The following GRID1 variants were observed in gnomAD, a reference collection of about 807,000 sequenced individuals.
GRID1 encodes glutamate receptor ionotropic, delta-1.
A neutral mutation model predicts 98.0 loss-of-function variants in GRID1; 28 were observed. The observed-to-expected ratio is 0.29, with a 90% CI of 0.21 to 0.39. The LOEUF is 0.39. Among genes scored for constraint, GRID1 ranks in the 10% least tolerant of loss-of-function variants. The pLI, the probability that GRID1 is intolerant of heterozygous loss-of-function variation, is 1.00. For missense variants in GRID1, 1,111 were observed against 1,340.5 expected (o/e 0.83, Z 2.67); for synonymous variants, 553 against 538.5 (o/e 1.03, Z -0.37).
At chr10:85,836,129 A>C (rs1842909727) in intron 8 of GRID1, among the ~76,000 whole-genome samples, 1 of 152,178 alleles carries the variant, frequency 6.6e-6, no homozygotes, top group Admixed American at 6.5e-5. Flanking sequence ...GGAGTAAAAA[A>C]AAGCAAAATA....
chr10:86,101,260 CT>C (rs1844291605), intron 4 of GRID1, among the ~76,000 whole-genome samples: 1 of 152,166 alleles, frequency 6.6e-6, no homozygotes, highest in African/African-American at 2.4e-5. Flanking sequence ...ATTTATCACC[CT>C]AACTAGGACT....
intron 8 of GRID1, among the ~76,000 whole-genome samples, chr10:85,732,717 C>T (rs1238042966): frequency 6.6e-6 from 1 of 152,138 alleles, no homozygotes; most frequent in Non-Finnish European, 1.5e-5. Flanking sequence ...AACAAATAAA[C>T]TCAAATATGA....
rs73338519 is a variant in GRID1 at position 85,854,219 on chromosome 10, C to T, written c.1233+277G>A. Among the ~76,000 whole-genome samples the T allele has an allele frequency of 5.4e-3, 829 of 152,302 alleles. 6 individuals carry two copies. Among genetic ancestry groups the T allele is most frequent in the African/African-American group, 0.019 (782 of 41,566 alleles). On this transcript the variant is annotated intron_variant, in intron 8 of 15. Coordinates refer to ENST00000327946, the MANE Select transcript of GRID1 (RefSeq NM_017551.3). ...ATTGTCCTTTATAGCCTCCATGCAG[C>T]CCCCTGATCCAAGCAGTAGGACCCA...
At chr10:85,772,235 C>T (rs1404734101) in intron 8 of GRID1, among the ~76,000 whole-genome samples, 8 of 152,020 alleles carry the variant, frequency 5.3e-5, no homozygotes, top group African/African-American at 1.7e-4. Context: ...GGGTACATAA[C>T]GAAATGAAGG....
intron 12 of GRID1, among the ~76,000 whole-genome samples, chr10:85,720,183 G>C (rs1000870448): frequency 2.6e-5 from 4 of 152,126 alleles, no homozygotes; most frequent in Non-Finnish European, 5.9e-5. Flanking sequence ...TAGAGTCACT[G>C]ATACTTTGTT....
At chr10:86,140,121 G>A (rs571948477) in intron 3 of GRID1, among the ~76,000 whole-genome samples, 2 of 152,184 alleles carry the variant, frequency 1.3e-5, no homozygotes, top group African/African-American at 4.8e-5. Context: ...GGTGGGTCAC[G>A]TGCAGCCCAG....
At chr10:86,113,669 C>A (rs1844525275) in intron 4 of GRID1, among the ~76,000 whole-genome samples, 2 of 152,194 alleles carry the variant, frequency 1.3e-5, no homozygotes, top group Admixed American at 6.5e-5. Flanking sequence ...CCACACCCTG[C>A]AGAGCTTCAG....
intron 4 of GRID1, among the ~76,000 whole-genome samples, chr10:86,129,822 C>A (rs1156676161): frequency 6.6e-6 from 1 of 152,230 alleles, no homozygotes; most frequent in South Asian, 2.1e-4. Flanking sequence ...CCAGTTCCCC[C>A]CTCAAGAGCA....
At chr10:85,846,555 T>C (rs1378947358) in intron 8 of GRID1, among the ~76,000 whole-genome samples, 1 of 151,904 alleles carries the variant, frequency 6.6e-6, no homozygotes, top group Non-Finnish European at 1.5e-5. Flanking sequence ...AATAAAACAA[T>C]TATTATGCAG....
intron 3 of GRID1, among the ~76,000 whole-genome samples, chr10:86,200,378 C>T (rs1168659635): frequency 6.6e-6 from 1 of 152,186 alleles, no homozygotes; most frequent in Non-Finnish European, 1.5e-5. Context: ...AAAAGACTGG[C>T]CCAAAGGCAT....
chr10:85,865,918 T>TATATATATATATATAC lies in GRID1; in HGVS notation c.951+3091_951+3092insGTATATATATATATAT, dbSNP rs1554836179. On this transcript the variant is annotated intron_variant, in intron 6 of 15. Coordinates refer to ENST00000327946, the MANE Select transcript of GRID1 (RefSeq NM_017551.3). ...AAAGTGTTTTACATATATACATATA[T>TATATATATATATATAC]ATATATATATATATATATATATATA... 3.5e-3 allele frequency among the ~76,000 whole-genome samples: 329 copies of TATATATATATATATAC among 94,526 alleles called. 12 individuals carry two copies. Among genetic ancestry groups the TATATATATATATATAC allele is most frequent in the East Asian group, 0.022 (72 of 3,212 alleles). The allele number at this position is 94,526 out of a possible 152,430, so 62.0% of individuals were successfully genotyped here.
intron 4 of GRID1, among the ~76,000 whole-genome samples, chr10:86,025,289 T>C (rs1344155437): frequency 6.6e-6 from 1 of 152,136 alleles, no homozygotes; most frequent in Non-Finnish European, 1.5e-5. Flanking sequence ...CATGTAAATG[T>C]AGTGGTTATG....
chr10:85,672,802 G>T lies in GRID1; in HGVS notation c.1998-25405C>A, dbSNP rs1390675943. On this transcript the variant is annotated intron_variant, in intron 12 of 15. Transcript: ENST00000327946. The stretch of plus-strand genomic sequence containing the variant: ...GATGAAGACGTACAAGGGGATTAAT[G>T]TTGTCTTCATGCCTGTTATTACAAC... Among the ~76,000 whole-genome samples, 4 of 152,128 alleles carry T rather than the reference G, an allele frequency of 2.6e-5. No individual in the cohort carries two copies. The East Asian group carries it at 7.7e-4, about 29-fold the overall frequency.
intron 3 of GRID1, among the ~76,000 whole-genome samples, chr10:86,165,089 C>T (rs183012684): frequency 7.2e-5 from 11 of 151,994 alleles, no homozygotes; most frequent in South Asian, 4.2e-4. Context: ...CCTGTCAGGA[C>T]GAACAGTCAT....
chr10:85,959,231 T>A (rs1278858980), intron 4 of GRID1, among the ~76,000 whole-genome samples: 1 of 152,220 alleles, frequency 6.6e-6, no homozygotes, highest in African/African-American at 2.4e-5. Context: ...GTACTGATTC[T>A]GCTTCTCTGG....
chr10:85,671,020 C>T (rs144408816), intron 12 of GRID1, among the ~76,000 whole-genome samples: 40 of 152,224 alleles, frequency 2.6e-4, no homozygotes, highest in African/African-American at 9.4e-4. Flanking sequence ...CCTGACTTCC[C>T]TATGTCCTAT....
intron 4 of GRID1, among the ~76,000 whole-genome samples, chr10:86,016,678 G>T (rs1842985157): frequency 1.3e-5 from 2 of 152,160 alleles, no homozygotes; most frequent in South Asian, 2.1e-4. Context: ...CATCTTTCCT[G>T]CTTCTGTGAT....
At chr10:85,865,967 A>ATG (rs1843216527) in intron 6 of GRID1, among the ~76,000 whole-genome samples, 20 of 93,450 alleles carry the variant, frequency 2.1e-4, no homozygotes, top group Admixed American at 8.7e-4. Flanking sequence ...AGAGAGAGAG[A>ATG]GAGAGAGAGA....
chr10:85,908,120 C>T (rs952578197), intron 5 of GRID1, among the ~76,000 whole-genome samples: 7 of 152,120 alleles, frequency 4.6e-5, no homozygotes, highest in Admixed American at 1.3e-4. Flanking sequence ...ATCAGGAATA[C>T]GAAAATGATG....
Sources: allele counts gnomAD v4.1 joint callset (sites outside exome capture counted in the v4.1 genomes callset), GRCh38; gene constraint gnomAD v4.1.1; transcripts MANE v1.5; gene names NCBI Gene and HGNC (gene_info 2026-07-23, HGNC 2026-07-21).